PARM1: variants seen among roughly 807,000 people sequenced by gnomAD.
The protein encoded by PARM1 is prostate androgen-regulated mucin-like protein 1.
A neutral mutation model predicts 24.6 loss-of-function variants in PARM1; 14 were observed. That is an observed-to-expected ratio of 0.57 (90% CI 0.38 to 0.89). The LOEUF (loss-of-function observed/expected upper bound fraction) is 0.89. PARM1 is among the 40% of genes least tolerant of loss of function. PARM1 has a pLI of 0.00. For missense variants in PARM1, 362 were observed against 380.4 expected (o/e 0.95, Z 0.40); for synonymous variants, 179 against 156.6 (o/e 1.14, Z -1.07).
chr4:74,998,285 T>C (rs1266727510), intron 1 of PARM1, among the ~76,000 whole-genome samples: 1 of 152,206 alleles, frequency 6.6e-6, no homozygotes, highest in Non-Finnish European at 1.5e-5. Context: ...ATTTATGTTA[T>C]TTTCAGCAGA....
rs528793397 is a variant in PARM1, at chr4:75,020,501, C to G, written c.769+7351C>G. 4.6e-5 allele frequency among the ~76,000 whole-genome samples: 7 copies of G among 150,970 alleles called. No homozygotes were observed. The East Asian group carries it at 1.2e-3, about 25-fold the overall frequency. On this transcript the variant is annotated intron_variant, in intron 2 of 3. Transcript: ENST00000307428. ...TCAACTGCCCCTCATTTCCCCCCCC[C>G]CGCACCCATCTCCCTACTCCCTGTT...
At chr4:74,988,777 T>A (rs1377916775) in intron 1 of PARM1, among the ~76,000 whole-genome samples, 1 of 152,212 alleles carries the variant, frequency 6.6e-6, no homozygotes, top group African/African-American at 2.4e-5. Flanking sequence ...GTTGATATGC[T>A]AGACCTTAAA....
intron 1 of PARM1, among the ~76,000 whole-genome samples, chr4:74,943,894 A>C (rs1721360122): frequency 6.6e-6 from 1 of 152,260 alleles, no homozygotes; most frequent in Admixed American, 6.5e-5. Context: ...TAATAAGCTC[A>C]AGAACAGAAT....
intron 1 of PARM1, 87 bp downstream of exon 1, chr4:74,933,457 G>C (rs1297378865): frequency 5.1e-6 from 6 of 1,178,904 alleles, no homozygotes; most frequent in East Asian, 2.3e-5. Context: ...TAGGAGATCC[G>C]GCAGTGAGTC....
At chr4:74,972,865 G>C (rs1722064861) in intron 1 of PARM1, among the ~76,000 whole-genome samples, 1 of 152,126 alleles carries the variant, frequency 6.6e-6, no homozygotes, top group African/African-American at 2.4e-5. Context: ...TTACACTGTG[G>C]GGACAGGAGG....
intron 1 of PARM1, among the ~76,000 whole-genome samples, chr4:74,977,734 A>G (rs1722167187): frequency 6.6e-6 from 1 of 152,210 alleles, no homozygotes. Context: ...CAGGTCACCT[A>G]CAAAGGGAAA....
chr4:74,971,450 T>A (rs1239437138), intron 1 of PARM1, among the ~76,000 whole-genome samples: 1 of 150,284 alleles, frequency 6.7e-6, no homozygotes, highest in Non-Finnish European at 1.5e-5. Context: ...CATATCAGAT[T>A]TTTTTTTAAG....
chr4:74,975,311 C>T (rs1722120661), intron 1 of PARM1, among the ~76,000 whole-genome samples: 3 of 152,136 alleles, frequency 2.0e-5, no homozygotes, highest in Admixed American at 2.0e-4. Flanking sequence ...TTTTGCTTTT[C>T]CCAATCATGT....
At chr4:74,984,526 G>T (rs571369288) in intron 1 of PARM1, among the ~76,000 whole-genome samples, 1 of 152,298 alleles carries the variant, frequency 6.6e-6, no homozygotes, top group Admixed American at 6.5e-5. Context: ...TTTACTTAAA[G>T]GAGTGAGAAT....
intron 2 of PARM1, among the ~76,000 whole-genome samples, chr4:75,025,737 T>C (rs1331849365): frequency 6.6e-6 from 1 of 152,224 alleles, no homozygotes; most frequent in Non-Finnish European, 1.5e-5. Context: ...CCAAGATTAA[T>C]ATTTCTAGCA....
intron 1 of PARM1, among the ~76,000 whole-genome samples, chr4:74,944,801 T>TAA (rs201129512): frequency 6.6e-6 from 1 of 151,484 alleles, no homozygotes; most frequent in Non-Finnish European, 1.5e-5. Flanking sequence ...AGATTTTGGT[T>TAA]AAAAAAAAAT....
At chr4:74,957,257 C>T (rs766512722) in intron 1 of PARM1, 4 of 152,168 alleles carry the variant, frequency 2.6e-5, no homozygotes, top group African/African-American at 4.8e-5. Context: ...TGTCCAAAGC[C>T]GCAGAGTTAC....
At chr4:74,980,939 C>T (rs1310627826) in intron 1 of PARM1, among the ~76,000 whole-genome samples, 1 of 151,944 alleles carries the variant, frequency 6.6e-6, no homozygotes, top group African/African-American at 2.4e-5. Context: ...TTGAAACTTC[C>T]TTATATCTTA....
intron 1 of PARM1, among the ~76,000 whole-genome samples, chr4:74,934,992 T>A (rs1165844902): frequency 2.8e-4 from 3 of 10,876 alleles, no homozygotes; most frequent in African/African-American, 4.2e-4. Context: ...AGAAGCTCTT[T>A]TTTCTTTTTT....
At chr4:75,043,359 G>A (rs1034787012) in intron 3 of PARM1, among the ~76,000 whole-genome samples, 2 of 152,062 alleles carry the variant, frequency 1.3e-5, no homozygotes, top group Non-Finnish European at 2.9e-5. Flanking sequence ...TTGCTATGTG[G>A]CAGGCCTTTT....
At chr4:75,045,228 G>A (rs1723577229) in intron 3 of PARM1, among the ~76,000 whole-genome samples, 1 of 152,298 alleles carries the variant, frequency 6.6e-6, no homozygotes, top group East Asian at 1.9e-4. Flanking sequence ...GTAAAGAGAA[G>A]GAGACCAGTA....
chr4:75,026,393 A>AT (rs1451594639), intron 2 of PARM1, among the ~76,000 whole-genome samples: 1 of 152,254 alleles, frequency 6.6e-6, no homozygotes, highest in Admixed American at 6.5e-5. Flanking sequence ...TAATATGCAT[A>AT]ACCACCCACA....
chr4:75,021,911 G>T (rs1486978807), intron 2 of PARM1, among the ~76,000 whole-genome samples: 1 of 152,182 alleles, frequency 6.6e-6, no homozygotes, highest in East Asian at 1.9e-4. Flanking sequence ...ATAGTGCTGT[G>T]ATGAACATAC....
At chr4:75,008,436 C>A (rs1440825639) in intron 1 of PARM1, among the ~76,000 whole-genome samples, 1 of 152,196 alleles carries the variant, frequency 6.6e-6, no homozygotes, top group Non-Finnish European at 1.5e-5. Context: ...ATTTTCAGCA[C>A]TGTAATGATT....
Sources: allele counts gnomAD v4.1 joint callset (sites outside exome capture counted in the v4.1 genomes callset), GRCh38; gene constraint gnomAD v4.1.1; transcripts MANE v1.5; gene names NCBI Gene and HGNC (gene_info 2026-07-23, HGNC 2026-07-21).